DNM1: variants seen among roughly 807,000 people sequenced by gnomAD.
DNM1 encodes dynamin 1.
Under a neutral mutation model 104.6 loss-of-function variants are expected in DNM1, and 29 were observed. The ratio of observed to expected loss-of-function variants is 0.28; its 90% CI spans 0.21 to 0.38. The LOEUF is 0.38. DNM1 is among the 10% of genes least tolerant of loss of function. The probability of loss-of-function intolerance (pLI) is 1.00; values close to 1 mark genes in which losing one functional copy is unlikely to be tolerated. For missense variants in DNM1, 640 were observed against 1,189.4 expected (o/e 0.54, Z 6.79); for synonymous variants, 445 against 475.8 (o/e 0.94, Z 0.84).
intron 14 of DNM1, among the ~76,000 whole-genome samples, chr9:128,241,971 A>T (rs1588431027): frequency 6.6e-6 from 1 of 152,164 alleles, no homozygotes; most frequent in Non-Finnish European, 1.5e-5. Context: ...CTCATCCCCT[A>T]CCCAGGCCTC....
intron 11 of DNM1, among the ~76,000 whole-genome samples, chr9:128,235,265 G>A (rs539223146): frequency 1.1e-3 from 160 of 152,022 alleles, no homozygotes; most frequent in Admixed American, 1.8e-3. Flanking sequence ...GGAGGCCAAG[G>A]TGGGCGGATC....
rs1834859256 is a variant in DNM1, at chr9:128,220,158, C to T, written c.689-23C>T. The stretch of plus-strand genomic sequence containing the variant: ...TTCCCCTCCTCTTGAGGCTGGTTGC[C>T]CTGACCTTGATACTGTTCACAGGCT... On this transcript the variant is annotated intron_variant, in intron 5 of 21. Coordinates refer to ENST00000372923, the MANE Select transcript of DNM1 (RefSeq NM_004408.4). The surrounding 1 kb of genome is among the most constrained non-coding windows in gnomAD (Gnocchi z 5.2). The T allele has an allele frequency of 6.2e-7, 1 of 1,613,878 alleles. No homozygotes were observed. The highest frequency in any genetic ancestry group is 1.3e-5 in the African/African-American group (1 of 75,012).
Position 128,254,568 on chromosome 9 carries a change from GCCC to G in DNM1, c.2535-84_2535-82del, listed in dbSNP as rs986280985. 9 of 1,586,710 alleles carry G rather than the reference GCCC, an allele frequency of 5.7e-6. No individual in the cohort carries two copies. The highest frequency in any genetic ancestry group is 7.7e-6 in the Non-Finnish European group (9 of 1,173,284). On this transcript the variant is annotated intron_variant, in intron 21 of 21. Transcript: ENST00000372923. This position sits in a 1 kb window ranked among gnomAD's most constrained non-coding sequence, Gnocchi z 6.1. ...TCCCACCACTGCTGCGGCGCGGCCGGCCCCGGCCGTGTGCTGCGCTTGCCTTAC... is the reference window on the plus strand; with the variant it reads ...TCCCACCACTGCTGCGGCGCGGCCGGCGGCCGTGTGCTGCGCTTGCCTTAC...
intron 11 of DNM1, among the ~76,000 whole-genome samples, chr9:128,235,419 G>A (rs986825986): frequency 2.0e-5 from 3 of 151,908 alleles, no homozygotes; most frequent in South Asian, 2.1e-4. Context: ...ACTTGAACCC[G>A]GGAGGCAGAG....
At chr9:128,225,900 A>G in intron 10 of DNM1, 1 of 738,702 alleles carries the variant, frequency 1.4e-6, no homozygotes. Flanking sequence ...ATCTGTGTCG[A>G]TGTCTCTCTC....
rs1378787576 is a variant in DNM1 at position 128,218,994 on chromosome 9, C to T, written c.386-55C>T. On this transcript the variant is annotated intron_variant, in intron 3 of 21. Transcript: ENST00000372923. This position sits in a 1 kb window ranked among gnomAD's most constrained non-coding sequence, Gnocchi z 4.8. ...CTCTAACCCCGCCCTATTCTTTAAC[C>T]TCGCCCGCGGCCACGCCCCTCGCCT... is the stretch of plus-strand genomic sequence containing the variant. The T allele has an allele frequency of 1.3e-6, 2 of 1,596,198 alleles. No homozygotes were observed. Among genetic ancestry groups the T allele is most frequent in the African/African-American group, 1.3e-5 (1 of 74,764 alleles).
intron 20 of DNM1, 72 bp from the exon 21 acceptor site, chr9:128,250,653 G>A: frequency 7.8e-7 from 1 of 1,285,754 alleles, no homozygotes; most frequent in Non-Finnish European, 1.0e-6. Context: ...GCACTGGGCT[G>A]GGGCGGGGCC....
chr9:128,249,884 C>T (rs1829409049), intron 19 of DNM1, among the ~76,000 whole-genome samples: 1 of 152,130 alleles, frequency 6.6e-6, no homozygotes, highest in Non-Finnish European at 1.5e-5. Flanking sequence ...ATGATAGGTC[C>T]TAAGTCCCCT....
chr9:128,209,138 G>A (rs1328475261), intron 1 of DNM1, among the ~76,000 whole-genome samples: 7 of 152,142 alleles, frequency 4.6e-5, no homozygotes, highest in Admixed American at 1.3e-4. Flanking sequence ...CTCAGAGCAC[G>A]CAGCTGCCAC....
intron 1 of DNM1, among the ~76,000 whole-genome samples, chr9:128,212,637 C>T (rs757034024): frequency 2.0e-5 from 3 of 152,296 alleles, no homozygotes; most frequent in Admixed American, 6.5e-5. Flanking sequence ...TGCATGTGAG[C>T]GCCTGAGAGG....
At chr9:128,209,077 A>AC (rs149010405) in intron 1 of DNM1, among the ~76,000 whole-genome samples, 5,839 of 150,620 alleles carry the variant, frequency 0.039, 355 homozygotes, top group African/African-American at 0.13. Flanking sequence ...GCCCTTTGAC[A>AC]CCCCCCCACC....
Position 128,222,203 on chromosome 9 carries a change from A to T in DNM1, c.856A>T (p.Thr286Ser). The change falls in exon 7 of 22, where the codon ACG (threonine) becomes TCG (serine). Residue 286 changes from threonine to serine, a missense_variant. Around this residue, in one of 7 missense-constraint regions of DNM1, gnomAD observed 81 missense variants for 99.8 expected, o/e 0.81. Transcript: ENST00000372923. The surrounding 1 kb of genome is among the most constrained non-coding windows in gnomAD (Gnocchi z 7.8). ...TCCTCACCCTTACCCCCAGCAACTGACGAACCACATCCGGGACACACTGCC... is the reference window on the plus strand; with the variant it reads ...TCCTCACCCTTACCCCCAGCAACTGTCGAACCACATCCGGGACACACTGCC... The part of the protein sequence containing the change: ...YLQKVLNQQL[T>S]NHIRDTLPGL... 1 of 1,612,890 alleles carries T rather than the reference A, an allele frequency of 6.2e-7. No homozygotes were observed.
At position 128,247,801 on chromosome 9, in the gene DNM1, C is replaced by A; in HGVS notation, c.1894-123C>A. 1.5e-6 allele frequency: 2 copies of A among 1,301,482 alleles called. No homozygotes were observed. Among genetic ancestry groups the A allele is most frequent in the Non-Finnish European group, 2.1e-6 (2 of 931,302 alleles). The allele number at this position is 1,301,482 out of a possible 1,614,324, so 80.6% of individuals were successfully genotyped here. ...TTCACTGTGGCGATGTCTAGAGTAG[C>A]CTGAGAGTTGGGGTGCAGTATCCCA... On this transcript the variant is annotated intron_variant, in intron 17 of 21. Transcript: ENST00000372923. The surrounding 1 kb of genome is among the most constrained non-coding windows in gnomAD (Gnocchi z 5.1).
chr9:128,243,721 G>A lies in DNM1; in HGVS notation c.1671+1376G>A, dbSNP rs1836549713. Reference sequence around the variant, plus strand: ...GAGGTTCCTTACTCAGGGCCAGGGAGACCATGTGACCTGGGGCTGAGGGCC... The same window carrying A: ...GAGGTTCCTTACTCAGGGCCAGGGAAACCATGTGACCTGGGGCTGAGGGCC... On this transcript the variant is annotated intron_variant, in intron 15 of 21. Coordinates refer to ENST00000372923, the MANE Select transcript of DNM1 (RefSeq NM_004408.4). This position sits in a 1 kb window ranked among gnomAD's most constrained non-coding sequence, Gnocchi z 4.0. Among the ~76,000 whole-genome samples, 1 of 152,182 alleles carries A rather than the reference G, an allele frequency of 6.6e-6. No individual in the cohort carries two copies. Among genetic ancestry groups the A allele is most frequent in the African/African-American group, 2.4e-5 (1 of 41,432 alleles).
intron 1 of DNM1, among the ~76,000 whole-genome samples, chr9:128,209,070 C>T (rs1834139143): frequency 6.6e-6 from 1 of 151,292 alleles, no homozygotes; most frequent in Non-Finnish European, 1.5e-5. Flanking sequence ...GTTAGGGGCC[C>T]TTTGACACCC....
Position 128,222,383 on chromosome 9 carries a change from C to A in DNM1, c.992+44C>A, listed in dbSNP as rs773609496. 6.2e-7 allele frequency: 1 copy of A among 1,608,806 alleles called. No homozygotes were observed. The highest frequency in any genetic ancestry group is 2.2e-5 in the East Asian group (1 of 44,768). On this transcript the variant is annotated intron_variant, in intron 7 of 21. Coordinates refer to ENST00000372923, the MANE Select transcript of DNM1 (RefSeq NM_004408.4). The surrounding 1 kb of genome is among the most constrained non-coding windows in gnomAD (Gnocchi z 7.8). ...CTATCACTGAATCCCCGCCCCCAGC[C>A]TCTCAGCGTGGGGCTCTCCCAGGGT... is the stretch of plus-strand genomic sequence containing the variant.
chr9:128,254,396 C>T lies in DNM1; in HGVS notation c.2535-258C>T, dbSNP rs1024066907. On this transcript the variant is annotated intron_variant, in intron 21 of 21. Coordinates refer to ENST00000372923, the MANE Select transcript of DNM1 (RefSeq NM_004408.4). The surrounding 1 kb of genome is among the most constrained non-coding windows in gnomAD (Gnocchi z 6.1). The stretch of plus-strand genomic sequence containing the variant: ...GCCTGGGTGCCGTGTGAGAGGCCAG[C>T]GTGTGTGGGGTGGGGAGGGCCGCCA... 7 of 1,417,810 alleles carry T rather than the reference C, an allele frequency of 4.9e-6. No individual in the cohort carries two copies. The highest frequency in any genetic ancestry group is 4.7e-5 in the South Asian group (3 of 64,014). The allele number at this position is 1,417,810 out of a possible 1,614,324, so 87.8% of individuals were successfully genotyped here.
rs912328687 is a variant in DNM1, at chr9:128,220,708, T to C, written c.849+367T>C. ...CCCCAGGACTTTTCTCCATCTGGAA[T>C]GGGGCATCCAGAACTGAAGTGCGCG... On this transcript the variant is annotated intron_variant, in intron 6 of 21. Coordinates refer to ENST00000372923, the MANE Select transcript of DNM1 (RefSeq NM_004408.4). This position sits in a 1 kb window ranked among gnomAD's most constrained non-coding sequence, Gnocchi z 5.2. 7.0e-6 allele frequency among the ~76,000 whole-genome samples: 1 copy of C among 142,548 alleles called. No individual in the cohort carries two copies. The highest frequency in any genetic ancestry group is 2.5e-4 in the South Asian group (1 of 4,014). The allele number at this position is 142,548 out of a possible 152,430, so 93.5% of individuals were successfully genotyped here.
intron 10 of DNM1, among the ~76,000 whole-genome samples, chr9:128,231,358 C>T (rs1835682233): frequency 1.3e-5 from 2 of 152,052 alleles, no homozygotes; most frequent in Admixed American, 1.3e-4. Context: ...TGTGCCACCA[C>T]GCCCGGCTAC....
Sources: allele counts gnomAD v4.1 joint callset (sites outside exome capture counted in the v4.1 genomes callset), GRCh38; gene constraint gnomAD v4.1.1; regional missense constraint gnomAD v4.1.1; non-coding constraint Gnocchi (gnomAD v3.1); transcripts MANE v1.5; gene names NCBI Gene and HGNC (gene_info 2026-07-23, HGNC 2026-07-21).